ZNF143: variants seen among roughly 807,000 people sequenced by gnomAD.
ZNF143 encodes zinc finger protein 143, also known as SPH-binding factor.
ZNF143 carries 49 observed loss-of-function variants against 74.1 expected under a neutral mutation model. The observed-to-expected ratio is 0.66, with a 90% CI of 0.53 to 0.84. The LOEUF (loss-of-function observed/expected upper bound fraction) is 0.84, where lower values mean the gene tolerates loss of function less well. Among genes scored for constraint, ZNF143 ranks in the 40% least tolerant of loss-of-function variants. The probability of loss-of-function intolerance (pLI) is 0.00; values close to 1 mark genes in which losing one functional copy is unlikely to be tolerated. For missense variants in ZNF143, 637 were observed against 793.4 expected, an observed-to-expected ratio of 0.80 and a Z score of 2.37; for synonymous variants, 304 against 282.8, an observed-to-expected ratio of 1.07 and a Z score of -0.75.
At position 9,497,799 on chromosome 11, in the gene ZNF143, A is replaced by G. The variant is rs1445323442; in HGVS notation, c.966A>G (p.Thr322=). 2 of 1,575,452 alleles carry G rather than the reference A, an allele frequency of 1.3e-6. No homozygotes were observed. Among genetic ancestry groups the G allele is most frequent in the East Asian group, 4.5e-5 (2 of 44,058 alleles). Residue 322 remains threonine (T), a splice_region_variant and synonymous_variant, in exon 10 of 16, where the codon ACA becomes ACG. Coordinates refer to ENST00000396602, the MANE Select transcript of ZNF143 (RefSeq NM_003442.6). The part of the protein sequence containing the change: ...GDLQKHIRTH[T]GERPFKCPFE... ...TACAGAAACACATCAGAACTCATAC[A>G]GGTACTAGTGGAAACAGAGTGTCAA...
intron 12 of ZNF143, among the ~76,000 whole-genome samples, chr11:9,510,343 C>G (rs1170668655): frequency 1.3e-5 from 2 of 152,094 alleles, no homozygotes; most frequent in Non-Finnish European, 2.9e-5. Flanking sequence ...CCAGGATGGT[C>G]TCGATCTCCT....
intron 5 of ZNF143, among the ~76,000 whole-genome samples, chr11:9,477,642 A>G (rs941265021): frequency 6.6e-5 from 10 of 152,144 alleles, no homozygotes; most frequent in African/African-American, 2.4e-4. Context: ...ATATATATCG[A>G]TATAAAATCA....
At chr11:9,479,584 A>T (rs1265450321) in intron 7 of ZNF143, 38 bp downstream of exon 7, 3 of 1,554,004 alleles carry the variant, frequency 1.9e-6, no homozygotes, top group Non-Finnish European at 2.6e-6. Flanking sequence ...AATCTAGCTT[A>T]GCATTTCTGT....
intron 7 of ZNF143, among the ~76,000 whole-genome samples, chr11:9,483,420 C>G (rs1847330167): frequency 6.7e-6 from 1 of 149,430 alleles, no homozygotes; most frequent in African/African-American, 2.5e-5. Context: ...GCTCAGCCTC[C>G]CGAGTAGCTG....
At chr11:9,507,246 C>CATATGTAT (rs1305923027) in intron 11 of ZNF143, among the ~76,000 whole-genome samples, 1 of 152,178 alleles carries the variant, frequency 6.6e-6, no homozygotes, top group African/African-American at 2.4e-5. Context: ...CCAGGACATG[C>CATATGTAT]ATATGTATAC....
intron 12 of ZNF143, among the ~76,000 whole-genome samples, chr11:9,510,605 A>G (rs1273960622): frequency 2.0e-5 from 3 of 152,358 alleles, no homozygotes; most frequent in Middle Eastern, 3.4e-3. Context: ...GGAACAGAAC[A>G]AAAAGGAATG....
intron 1 of ZNF143, among the ~76,000 whole-genome samples, chr11:9,464,916 C>G (rs867959609): frequency 6.6e-6 from 1 of 151,472 alleles, no homozygotes; most frequent in African/African-American, 2.4e-5. Context: ...GAGGGAGACT[C>G]TGTCTCAAAA....
intron 11 of ZNF143, among the ~76,000 whole-genome samples, chr11:9,504,143 T>C (rs1848269976): frequency 6.6e-6 from 1 of 151,606 alleles, no homozygotes; most frequent in African/African-American, 2.4e-5. Context: ...GTATTTTTAA[T>C]AGAGATAGGT....
chr11:9,516,613 A>G (rs1278093498), intron 14 of ZNF143, among the ~76,000 whole-genome samples: 2 of 152,212 alleles, frequency 1.3e-5, no homozygotes, highest in African/African-American at 2.4e-5. Context: ...GCCCACATAT[A>G]TATTAAGTGT....
chr11:9,486,402 T>TAATATATTATATGTATAATATATATAA lies in ZNF143; in HGVS notation c.645+6856_645+6857insAATATATTATATGTATAATATATATAA, dbSNP rs1259574052. 7.5e-5 allele frequency among the ~76,000 whole-genome samples: 2 copies of TAATATATTATATGTATAATATATATAA among 26,540 alleles called. 1 individual carries two copies. The highest frequency in any genetic ancestry group is 3.2e-4 in the African/African-American group (2 of 6,312). The allele number at this position is 26,540 out of a possible 152,430, so 17.4% of individuals were successfully genotyped here. A position where few individuals can be genotyped will look rare whatever the true frequency, so the allele number is the denominator to read the frequency against. On this transcript the variant is annotated intron_variant, in intron 7 of 15. Transcript: ENST00000396602. ...TTATATATATAATATATATAATATA[T>TAATATATTATATGTATAATATATATAA]TATATATATAATATATATTATATAT...
chr11:9,510,853 A>G (rs1848516174), intron 12 of ZNF143, among the ~76,000 whole-genome samples: 1 of 152,030 alleles, frequency 6.6e-6, no homozygotes, highest in Non-Finnish European at 1.5e-5. Context: ...ATTGCTGTTT[A>G]CTTACTGGTT....
intron 9 of ZNF143, among the ~76,000 whole-genome samples, chr11:9,497,299 C>T (rs767164348): frequency 2.6e-5 from 4 of 152,000 alleles, no homozygotes; most frequent in East Asian, 3.9e-4. Context: ...GACGTGATCT[C>T]GGCTCCCTGC....
intron 1 of ZNF143, among the ~76,000 whole-genome samples, chr11:9,467,237 GTTTT>G (rs10709761): frequency 1.6e-5 from 2 of 127,328 alleles, no homozygotes. Flanking sequence ...AAAGGAAAGT[GTTTT>G]TTTTTTTTTT....
At chr11:9,512,343 C>T (rs1848579003) in intron 12 of ZNF143, 105 bp from the exon 13 acceptor site, 2 of 1,411,542 alleles carry the variant, frequency 1.4e-6, no homozygotes, top group Middle Eastern at 2.6e-4. Flanking sequence ...GAATATAATA[C>T]ATGTACATTT....
At chr11:9,498,401 T>A (rs1257168634) in intron 10 of ZNF143, among the ~76,000 whole-genome samples, 1 of 152,172 alleles carries the variant, frequency 6.6e-6, no homozygotes, top group African/African-American at 2.4e-5. Context: ...GGATTACACA[T>A]CTAATTAGTA....
intron 14 of ZNF143, among the ~76,000 whole-genome samples, chr11:9,518,847 T>C (rs917496485): frequency 2.6e-5 from 4 of 152,262 alleles, no homozygotes; most frequent in African/African-American, 9.6e-5. Flanking sequence ...GTAATCGTGT[T>C]ATGGATCTAA....
chr11:9,474,904 T>G (rs922377862), intron 5 of ZNF143, among the ~76,000 whole-genome samples: 1 of 152,220 alleles, frequency 6.6e-6, no homozygotes, highest in Non-Finnish European at 1.5e-5. Flanking sequence ...GCTTTTGTTC[T>G]AAGAGACAGG....
At chr11:9,494,578 T>G in intron 7 of ZNF143, 68 bp from the exon 8 acceptor site, 2 of 1,527,202 alleles carry the variant, frequency 1.3e-6, no homozygotes, top group South Asian at 2.4e-5. Context: ...CCCCATGTGC[T>G]AAGATTACTG....
At chr11:9,470,424 T>C (rs1316542222) in intron 1 of ZNF143, among the ~76,000 whole-genome samples, 2 of 152,154 alleles carry the variant, frequency 1.3e-5, no homozygotes, top group African/African-American at 2.4e-5. Context: ...TTTACCATGA[T>C]TGAGCAGTTG....
Sources: gnomAD v4.1 joint callset for allele counts (sites outside exome capture counted in the v4.1 genomes callset) on GRCh38, gnomAD v4.1.1 for gene constraint, MANE v1.5 for transcripts, NCBI Gene and HGNC (gene_info 2026-07-23, HGNC 2026-07-21) for gene names.